Variants in SLC22A23 observed in about 807,000 individuals in gnomAD.
SLC22A23 encodes the protein solute carrier family 22 member 23.
A neutral mutation model predicts 61.0 loss-of-function variants in SLC22A23; 26 were observed. The observed-to-expected ratio is 0.43, with a 90% CI of 0.31 to 0.59. The LOEUF (loss-of-function observed/expected upper bound fraction) is 0.59, where lower values mean the gene tolerates loss of function less well. SLC22A23 is among the 20% of genes least tolerant of loss of function. The pLI is 0.11. For synonymous variants in SLC22A23, 430 were observed against 413.9 expected (o/e 1.04, Z -0.47); for missense variants, 796 against 934.7 (o/e 0.85, Z 1.94).
Position 3,270,985 on chromosome 6 carries a change from G to C in SLC22A23, c.*2070C>G, listed in dbSNP as rs1258188863. 6.6e-6 allele frequency: 1 copy of C among 152,612 alleles called. No individual in the cohort carries two copies. The highest frequency in any genetic ancestry group is 1.5e-5 in the Non-Finnish European group (1 of 68,272). 9.5% of individuals were successfully genotyped at this position (152,612 alleles called of 1,614,324 possible). A position where few individuals can be genotyped will look rare whatever the true frequency, so the allele number is the denominator to read the frequency against. ...CAGACGTACACCTGTCCAGGTGCAG[G>C]CTCAGGGGCCTCGCTGGATCCTTCC... On this transcript the variant is annotated 3_prime_UTR_variant, in exon 10 of 10. Coordinates refer to ENST00000406686, the MANE Select transcript of SLC22A23 (RefSeq NM_015482.2).
chr6:3,411,276 G>C (rs149792733), intron 2 of SLC22A23, among the ~76,000 whole-genome samples: 1 of 152,284 alleles, frequency 6.6e-6, no homozygotes, highest in East Asian at 1.9e-4. Flanking sequence ...CAGAGAAATG[G>C]GGGCAGAGTG....
chr6:3,349,492 C>T (rs1764639106), intron 3 of SLC22A23, among the ~76,000 whole-genome samples: 2 of 152,196 alleles, frequency 1.3e-5, no homozygotes, highest in African/African-American at 4.8e-5. Context: ...ATAGGGCATC[C>T]CCTGCAGGCC....
intron 1 of SLC22A23, among the ~76,000 whole-genome samples, chr6:3,422,893 T>C (rs765484823): frequency 2.2e-4 from 34 of 152,256 alleles, no homozygotes; most frequent in Non-Finnish European, 4.4e-4. Flanking sequence ...ACCCCAACTC[T>C]AGCAGACCTG....
rs1352277906 is a variant in SLC22A23 at position 3,360,039 on chromosome 6, T to C, written c.914-36037A>G. Among the ~76,000 whole-genome samples, 1 of 152,128 alleles carries C rather than the reference T, an allele frequency of 6.6e-6. No homozygotes were observed. The highest frequency in any genetic ancestry group is 1.5e-5 in the Non-Finnish European group (1 of 68,030). ...AAAGGACAAATATTGCATGATCCAC[T>C]TAAATAGGTTCTTAGGTAGGCAAAT... is the stretch of plus-strand genomic sequence containing the variant. On this transcript the variant is annotated intron_variant, in intron 3 of 9. Coordinates refer to ENST00000406686, the MANE Select transcript of SLC22A23 (RefSeq NM_015482.2). The surrounding 1 kb of genome is among the most constrained non-coding windows in gnomAD (Gnocchi z 4.6).
At chr6:3,418,226 C>T (rs1769865777) in intron 1 of SLC22A23, among the ~76,000 whole-genome samples, 1 of 152,198 alleles carries the variant, frequency 6.6e-6, no homozygotes, top group South Asian at 2.1e-4. Flanking sequence ...AGAAGGGCAC[C>T]AGCTGCTGTC....
intron 3 of SLC22A23, among the ~76,000 whole-genome samples, chr6:3,406,306 A>G (rs1768822769): frequency 6.6e-6 from 1 of 152,186 alleles, no homozygotes; most frequent in Non-Finnish European, 1.5e-5. Context: ...GAAGAAAGAC[A>G]CATCCTTCAC....
intron 3 of SLC22A23, among the ~76,000 whole-genome samples, chr6:3,326,299 G>A (rs1763277288): frequency 6.6e-6 from 1 of 152,160 alleles, no homozygotes; most frequent in African/African-American, 2.4e-5. Flanking sequence ...AGTGGTCGGC[G>A]TGGCCCCTAA....
intron 3 of SLC22A23, chr6:3,377,827 T>C (rs1395011263): frequency 6.6e-6 from 1 of 152,184 alleles, no homozygotes; most frequent in Admixed American, 6.5e-5. Context: ...TACTTACACC[T>C]CATACAGGCA....
intron 3 of SLC22A23, among the ~76,000 whole-genome samples, chr6:3,354,848 A>C (rs1470772984): frequency 1.3e-5 from 2 of 152,188 alleles, no homozygotes. Context: ...TTCAACTGAC[A>C]CTTGTCTTTC....
intron 3 of SLC22A23, among the ~76,000 whole-genome samples, chr6:3,376,406 CGCACCTT>C (rs1561936496): frequency 2.0e-5 from 3 of 152,142 alleles, no homozygotes; most frequent in African/African-American, 7.2e-5. Context: ...CCCCTCACCT[CGCACCTT>C]CCCTCTGCCT....
At chr6:3,437,561 C>T (rs62391795) in intron 1 of SLC22A23, among the ~76,000 whole-genome samples, 31,571 of 150,772 alleles carry the variant, frequency 0.21, 3,464 homozygotes, top group East Asian at 0.35. Flanking sequence ...TGGTGGCAGG[C>T]GCCTGTAGTC....
intron 1 of SLC22A23, among the ~76,000 whole-genome samples, chr6:3,450,551 C>T (rs1030443220): frequency 1.1e-4 from 16 of 152,188 alleles, no homozygotes; most frequent in Admixed American, 2.0e-4. Flanking sequence ...GTGATCCGCC[C>T]GCCTCGGCCT....
At position 3,427,800 on chromosome 6, in the gene SLC22A23, C is replaced by T. The variant is rs530852834; in HGVS notation, c.655-11945G>A. ...ACACCCAAGAGTGTGTTTTTATTTTCTTCCTTTGAACTAACTATTAATCTT... is the reference window on the plus strand; with the variant it reads ...ACACCCAAGAGTGTGTTTTTATTTTTTTCCTTTGAACTAACTATTAATCTT... On this transcript the variant is annotated intron_variant, in intron 1 of 9. Coordinates refer to ENST00000406686, the MANE Select transcript of SLC22A23 (RefSeq NM_015482.2). The surrounding 1 kb of genome is among the most constrained non-coding windows in gnomAD (Gnocchi z 4.3). 1.3e-5 allele frequency among the ~76,000 whole-genome samples: 2 copies of T among 152,262 alleles called. No individual in the cohort carries two copies. The highest frequency in any genetic ancestry group is 4.1e-4 in the South Asian group (2 of 4,826).
Position 3,356,045 on chromosome 6 carries a change from G to T in SLC22A23, c.914-32043C>A, listed in dbSNP as rs115649804. Among the ~76,000 whole-genome samples the T allele has an allele frequency of 6.3e-4, 13 of 20,782 alleles. 1 individual carries two copies. Among genetic ancestry groups the T allele is most frequent in the African/African-American group, 1.1e-3 (5 of 4,534 alleles). 13.6% of individuals were successfully genotyped at this position (20,782 alleles called of 152,430 possible). A position where few individuals can be genotyped will look rare whatever the true frequency, so the allele number is the denominator to read the frequency against. Reference sequence around the variant, plus strand: ...AGCAAACGGGGTGGGGAGACTTGTGGACAGGGGAGGGGGAGGAGGCGGGGG... The same window carrying T: ...AGCAAACGGGGTGGGGAGACTTGTGTACAGGGGAGGGGGAGGAGGCGGGGG... On this transcript the variant is annotated intron_variant, in intron 3 of 9. Coordinates refer to ENST00000406686, the MANE Select transcript of SLC22A23 (RefSeq NM_015482.2).
At position 3,414,300 on chromosome 6, in the gene SLC22A23, T is replaced by C. The variant is rs907494656; in HGVS notation, c.758+1452A>G. Among the ~76,000 whole-genome samples, 3 of 152,166 alleles carry C rather than the reference T, an allele frequency of 2.0e-5. No individual in the cohort carries two copies. The highest frequency in any genetic ancestry group is 7.2e-5 in the African/African-American group (3 of 41,436). On this transcript the variant is annotated intron_variant, in intron 2 of 9. Coordinates refer to ENST00000406686, the MANE Select transcript of SLC22A23 (RefSeq NM_015482.2). This position sits in a 1 kb window ranked among gnomAD's most constrained non-coding sequence, Gnocchi z 5.1. Reference sequence around the variant, plus strand: ...GGAAACGGTATATTTTAGACCAATATAGCCCACACTAGAAACCTATGAACT... The same window carrying C: ...GGAAACGGTATATTTTAGACCAATACAGCCCACACTAGAAACCTATGAACT...
chr6:3,387,338 G>A lies in SLC22A23; in HGVS notation c.913+22850C>T, dbSNP rs1391990226. 1.3e-5 allele frequency among the ~76,000 whole-genome samples: 2 copies of A among 152,200 alleles called. No individual in the cohort carries two copies. The highest frequency in any genetic ancestry group is 2.4e-5 in the African/African-American group (1 of 41,436). On this transcript the variant is annotated intron_variant, in intron 3 of 9. Transcript: ENST00000406686. This position sits in a 1 kb window ranked among gnomAD's most constrained non-coding sequence, Gnocchi z 5.0. ...GTGCTCTTCCCCCTAGTCTGATCAA[G>A]AGAAAGTATCAGACAGACCCACATC...
At chr6:3,436,559 A>G (rs1387278946) in intron 1 of SLC22A23, among the ~76,000 whole-genome samples, 1 of 152,066 alleles carries the variant, frequency 6.6e-6, no homozygotes, top group African/African-American at 2.4e-5. Context: ...TAACTGAAAT[A>G]AGTGTCTTCT....
intron 9 of SLC22A23, among the ~76,000 whole-genome samples, chr6:3,282,772 G>C (rs1055857297): frequency 6.6e-6 from 1 of 152,212 alleles, no homozygotes; most frequent in African/African-American, 2.4e-5. Context: ...GTAGGAAAAT[G>C]ACTGCAGCTG....
chr6:3,431,281 A>G (rs576297745), intron 1 of SLC22A23, among the ~76,000 whole-genome samples: 1 of 152,360 alleles, frequency 6.6e-6, no homozygotes, highest in East Asian at 1.9e-4. Context: ...TTAAAATGCA[A>G]TGAAAATGTT....
Sources: gnomAD v4.1 joint callset for allele counts (sites outside exome capture counted in the v4.1 genomes callset) on GRCh38, gnomAD v4.1.1 for gene constraint, Gnocchi (gnomAD v3.1) non-coding constraint, MANE v1.5 for transcripts, NCBI Gene and HGNC (gene_info 2026-07-23, HGNC 2026-07-21) for gene names.